MAPDA: variants seen among roughly 807,000 people sequenced by gnomAD.
MAPDA encodes the protein N6,N6-dimethyl-AMP deaminase.
At chr15:43,348,458 C>T in the MAPDA span, among the ~76,000 whole-genome samples, 1 of 152,212 alleles carries the variant, frequency 6.6e-6, no homozygotes, top group South Asian at 2.1e-4. Context: ...TTGTTTTGCT[C>T]CCCAGAGTTA....
the MAPDA span, chr15:43,351,861 C>T: frequency 1.3e-6 from 2 of 1,551,656 alleles, no homozygotes; most frequent in Non-Finnish European, 8.7e-7. Context: ...ATGAATCCAT[C>T]AACTACATCT....
chr15:43,336,488 T>C, the MAPDA span: 3 of 623,316 alleles, frequency 4.8e-6, no homozygotes, highest in African/African-American at 2.0e-5. Flanking sequence ...TCCAGATCAA[T>C]GTAATTTTTG....
At chr15:43,350,873 C>T in the MAPDA span, 9 of 1,306,386 alleles carry the variant, frequency 6.9e-6, no homozygotes, top group East Asian at 1.5e-4. Context: ...CTCGTGTCTA[C>T]TTGGTGAACA....
the MAPDA span, chr15:43,352,544 C>CA: frequency 1.3e-5 from 2 of 151,962 alleles, no homozygotes; most frequent in African/African-American, 4.8e-5. Flanking sequence ...AACAAAAAAA[C>CA]AAAAAACCGG....
the MAPDA span, among the ~76,000 whole-genome samples, chr15:43,341,541 T>A: frequency 6.6e-6 from 1 of 152,160 alleles, no homozygotes; most frequent in South Asian, 2.1e-4. Flanking sequence ...CTTCTCTATT[T>A]AAAAATGTGT....
At chr15:43,350,032 A>G in the MAPDA span, among the ~76,000 whole-genome samples, 4 of 152,174 alleles carry the variant, frequency 2.6e-5, no homozygotes, top group Non-Finnish European at 1.5e-5. Flanking sequence ...GAGCCTGGTA[A>G]TATTTCCAGG....
At chr15:43,344,274 A>G in the MAPDA span, among the ~76,000 whole-genome samples, 1 of 147,610 alleles carries the variant, frequency 6.8e-6, no homozygotes, top group Non-Finnish European at 1.5e-5. Flanking sequence ...ATAGCTTAAA[A>G]TATCCAGCAT....
chr15:43,337,175 C>T, the MAPDA span, among the ~76,000 whole-genome samples: 2 of 148,096 alleles, frequency 1.4e-5, no homozygotes, highest in Admixed American at 6.8e-5. Context: ...ACTCGGGAGG[C>T]TGAGGTAGGA....
chr15:43,330,525 G>C, the MAPDA span: 2 of 1,508,258 alleles, frequency 1.3e-6, no homozygotes, highest in South Asian at 1.3e-5. Context: ...GTCTGTCACG[G>C]TTGTGAGCCG....
the MAPDA span, among the ~76,000 whole-genome samples, chr15:43,332,793 C>T: frequency 6.6e-6 from 1 of 151,984 alleles, no homozygotes; most frequent in Non-Finnish European, 1.5e-5. Flanking sequence ...AAAAAGTTCC[C>T]TGGGAGACAG....
At chr15:43,349,252 G>C in the MAPDA span, 1 of 1,290,936 alleles carries the variant, frequency 7.7e-7, no homozygotes, top group Non-Finnish European at 9.8e-7. Flanking sequence ...CAGGGCCCCT[G>C]CTTGTCTTAT....
At chr15:43,339,520 A>G in the MAPDA span, among the ~76,000 whole-genome samples, 1 of 152,220 alleles carries the variant, frequency 6.6e-6, no homozygotes, top group South Asian at 2.1e-4. Flanking sequence ...GTGTGTGTGT[A>G]GTCAAAGCAG....
At chr15:43,332,209 G>C in the MAPDA span, 3 of 152,190 alleles carry the variant, frequency 2.0e-5, no homozygotes, top group African/African-American at 7.2e-5. Flanking sequence ...TGACAGAGTT[G>C]TCAGTTTAGT....
chr15:43,346,968 G>C, the MAPDA span: 2 of 1,491,952 alleles, frequency 1.3e-6, no homozygotes, highest in Non-Finnish European at 1.9e-6. Flanking sequence ...CAGTTCCTCA[G>C]TTTTCCCAGA....
chr15:43,340,325 A>C, the MAPDA span: 2 of 1,614,144 alleles, frequency 1.2e-6, no homozygotes, highest in Non-Finnish European at 1.7e-6. Flanking sequence ...GGAACTAAGG[A>C]GCACACCCAG....
At chr15:43,348,234 A>G in the MAPDA span, among the ~76,000 whole-genome samples, 2 of 152,230 alleles carry the variant, frequency 1.3e-5, no homozygotes, top group Non-Finnish European at 2.9e-5. Flanking sequence ...TCAGAATCAA[A>G]CATGATGAGC....
the MAPDA span, chr15:43,330,488 A>G: frequency 6.6e-7 from 1 of 1,519,794 alleles, no homozygotes. Flanking sequence ...CCGGGGGCCC[A>G]TGGCCAGAAG....
the MAPDA span, chr15:43,351,735 T>G: frequency 1.3e-6 from 2 of 1,513,744 alleles, no homozygotes; most frequent in Non-Finnish European, 1.8e-6. Context: ...TGAAACATTC[T>G]TGTTTACGTT....
the MAPDA span, chr15:43,340,377 T>C: frequency 1.9e-6 from 3 of 1,584,676 alleles, no homozygotes; most frequent in Non-Finnish European, 2.6e-6. Context: ...TCTCAGCAAA[T>C]GTACTGTCCT....
Sources: allele counts gnomAD v4.1 joint callset (sites outside exome capture counted in the v4.1 genomes callset), GRCh38; gene constraint gnomAD v4.1.1; transcripts MANE v1.5; gene names NCBI Gene and HGNC (gene_info 2026-07-23, HGNC 2026-07-21).